Variants in BCL7B observed in about 807,000 individuals in gnomAD.
BCL7B encodes B-cell CLL/lymphoma 7 protein family member B.
Under a neutral mutation model 26.5 loss-of-function variants are expected in BCL7B, and 11 were observed. The observed-to-expected ratio is 0.42, with a 90% confidence interval of 0.26 to 0.69. The LOEUF (loss-of-function observed/expected upper bound fraction) is 0.69, where lower values mean the gene tolerates loss of function less well. Ranked by LOEUF, BCL7B falls within the 30% of genes least tolerant of loss-of-function variation. The pLI, the probability that BCL7B is intolerant of heterozygous loss-of-function variation, is 0.28. For synonymous variants in BCL7B, 111 were observed against 107.9 expected, an observed-to-expected ratio of 1.03 and a Z score of -0.18; for missense variants, 215 against 264.4, an observed-to-expected ratio of 0.81 and a Z score of 1.30.
At chr7:73,550,953 G>A (rs1265688797) in intron 2 of BCL7B, among the ~76,000 whole-genome samples, 3 of 151,974 alleles carry the variant, frequency 2.0e-5, no homozygotes, top group South Asian at 2.1e-4. Context: ...CACCACGCCC[G>A]GCCCACATAT....
In BCL7B at chr7:73,548,428, G is replaced by GA. The variant is rs1462948367; in HGVS notation, c.168+3738dup. 1.3e-4 allele frequency among the ~76,000 whole-genome samples: 19 copies of GA among 151,780 alleles called. No homozygotes were observed. In the South Asian group the frequency reaches 3.3e-3, roughly 27 times the overall value. ...GAGCAACAGAGTGAGACTCTGTCTCGAAAAAACAAAACAAAATAAGGAAAC... is the reference window on the plus strand; with the variant it reads ...GAGCAACAGAGTGAGACTCTGTCTCGAAAAAAACAAAACAAAATAAGGAAAC... On this transcript the variant is annotated intron_variant, in intron 2 of 5. Coordinates refer to ENST00000223368, the MANE Select transcript of BCL7B (RefSeq NM_001707.4).
chr7:73,551,276 A>T (rs1792158978), intron 2 of BCL7B, among the ~76,000 whole-genome samples: 1 of 152,144 alleles, frequency 6.6e-6, no homozygotes, highest in Admixed American at 6.5e-5. Context: ...ATCAGTGGGC[A>T]TACTTATGTG....
chr7:73,537,535 T>C, intron 5 of BCL7B, 145 bp from the exon 6 acceptor site: 1 of 640,068 alleles, frequency 1.6e-6, no homozygotes, highest in Non-Finnish European at 2.7e-6. Flanking sequence ...TGGGACTCAT[T>C]TCCGGCGCTG....
rs782153220 is a variant in BCL7B, at chr7:73,537,407, C to T, written c.517-17G>A. 4.4e-6 allele frequency: 7 copies of T among 1,606,964 alleles called. No individual in the cohort carries two copies. The highest frequency in any genetic ancestry group is 4.3e-6 in the Non-Finnish European group (5 of 1,173,978). ...CTCAACGACCTAGGAGCAGGCAGAG[C>T]ATGGAATGCCAGGGCCACCCCTCCC... On this transcript the variant is annotated splice_polypyrimidine_tract_variant and intron_variant, in intron 5 of 5. Coordinates refer to ENST00000223368, the MANE Select transcript of BCL7B (RefSeq NM_001707.4).
chr7:73,544,277 C>T (rs190981900), intron 2 of BCL7B, among the ~76,000 whole-genome samples: 7 of 152,064 alleles, frequency 4.6e-5, no homozygotes, highest in Non-Finnish European at 7.4e-5. Context: ...AAAAATCAGC[C>T]GAGTGTGGTG....
Position 73,540,829 on chromosome 7 carries a change from C to CAAAAAAAAAAA in BCL7B, c.266-788_266-778dup, listed in dbSNP as rs56111929. Among the ~76,000 whole-genome samples, 3 of 50,940 alleles carry CAAAAAAAAAAA rather than the reference C, an allele frequency of 5.9e-5. 1 individual carries two copies. The highest frequency in any genetic ancestry group is 9.8e-5 in the Non-Finnish European group (3 of 30,706). 33.4% of individuals were successfully genotyped at this position (50,940 alleles called of 152,430 possible). A position where few individuals can be genotyped will look rare whatever the true frequency, so the allele number is the denominator to read the frequency against. Reference sequence around the variant, plus strand: ...TGAGCAACAGAGCGAGACTCTGTCTCAAAAAAAAAAAAAAAAAAAAAAAAA... The same window carrying CAAAAAAAAAAA: ...TGAGCAACAGAGCGAGACTCTGTCTCAAAAAAAAAAAAAAAAAAAAAAAAAAAAAAAAAAAA... On this transcript the variant is annotated intron_variant, in intron 3 of 5. Transcript: ENST00000223368.
In BCL7B at chr7:73,554,812, A is replaced by C. The variant is rs922775737; in HGVS notation, c.93-2570T>G. Among the ~76,000 whole-genome samples, 82 of 152,118 alleles carry C rather than the reference A, an allele frequency of 5.4e-4. 1 individual carries two copies. The highest frequency in any genetic ancestry group is 2.0e-3 in the African/African-American group (81 of 41,512). On this transcript the variant is annotated intron_variant, in intron 1 of 5. Coordinates refer to ENST00000223368, the MANE Select transcript of BCL7B (RefSeq NM_001707.4). Reference sequence around the variant, plus strand: ...ACTGGGTCTCAAAAAAAAAAAAAAAAAACAGATGACATACTGGGAGTGTAA... The same window carrying C: ...ACTGGGTCTCAAAAAAAAAAAAAAACAACAGATGACATACTGGGAGTGTAA...
intron 2 of BCL7B, among the ~76,000 whole-genome samples, chr7:73,547,160 A>AAAGC (rs1207957065): frequency 1.6e-4 from 24 of 152,186 alleles, no homozygotes; most frequent in South Asian, 8.3e-4. Context: ...CTCAAAAAAA[A>AAAGC]AAGCAAGCAA....
chr7:73,550,128 A>G (rs1792102006), intron 2 of BCL7B, among the ~76,000 whole-genome samples: 1 of 152,236 alleles, frequency 6.6e-6, no homozygotes, highest in African/African-American at 2.4e-5. Flanking sequence ...AAAGTTGGAA[A>G]CAATCTGGGT....
chr7:73,553,683 A>T (rs782466894), intron 1 of BCL7B: 5 of 154,468 alleles, frequency 3.2e-5, no homozygotes, highest in Non-Finnish European at 7.3e-5. Context: ...AAAAAAAAAA[A>T]GAAAGAAAAC....
intron 1 of BCL7B, among the ~76,000 whole-genome samples, chr7:73,553,881 C>T (rs1792267316): frequency 2.0e-5 from 3 of 152,004 alleles, no homozygotes. Context: ...ACTATCTACA[C>T]CAGATTAGAA....
At chr7:73,541,423 G>A (rs115064440) in intron 3 of BCL7B, among the ~76,000 whole-genome samples, 1,863 of 150,306 alleles carry the variant, frequency 0.012, 40 homozygotes, top group African/African-American at 0.043. Flanking sequence ...TAAACCCTTC[G>A]ACGCTCCACT....
Position 73,537,215 on chromosome 7 carries a change from C to A in BCL7B, c.*83G>T. 3 of 1,399,050 alleles carry A rather than the reference C, an allele frequency of 2.1e-6. No homozygotes were observed. The highest frequency in any genetic ancestry group is 1.2e-5 in the South Asian group (1 of 82,888). 86.7% of individuals were successfully genotyped at this position (1,399,050 alleles called of 1,614,324 possible). A position where few individuals can be genotyped will look rare whatever the true frequency, so the allele number is the denominator to read the frequency against. ...TGCAGGCTCTTGACCCCAGTGCTTG[C>A]CCTTACCCCAGCAACGCGGCGCGGC... On this transcript the variant is annotated 3_prime_UTR_variant, in exon 6 of 6. Transcript: ENST00000223368.
chr7:73,540,493 T>G (rs17145723), intron 3 of BCL7B: 1 of 169,968 alleles, frequency 5.9e-6, no homozygotes, highest in East Asian at 1.5e-4. Flanking sequence ...CTGGGAGTTC[T>G]GCCTGAAGGC....
chr7:73,543,018 C>T, intron 3 of BCL7B: 3 of 309,476 alleles, frequency 9.7e-6, no homozygotes, highest in South Asian at 7.9e-5. Flanking sequence ...TAACTTTAGA[C>T]ACGTAACTTA....
intron 1 of BCL7B, 37 bp downstream of exon 1, chr7:73,557,450 G>A: frequency 1.6e-6 from 2 of 1,274,878 alleles, no homozygotes; most frequent in Non-Finnish European, 1.0e-6. Flanking sequence ...GCCTGGATCC[G>A]CGACCCCCGC....
intron 1 of BCL7B, chr7:73,553,798 C>T (rs1202210593): frequency 1.3e-5 from 2 of 154,458 alleles, no homozygotes; most frequent in African/African-American, 4.8e-5. Context: ...GTTTATCAGT[C>T]CACTACGCTC....
chr7:73,557,273 G>A (rs1007600468), intron 1 of BCL7B: 8 of 1,133,614 alleles, frequency 7.1e-6, no homozygotes, highest in Middle Eastern at 3.7e-4. Flanking sequence ...GCCGCAGCAG[G>A]TGGGCGGGCC....
chr7:73,552,094 A>C (rs1554584214), intron 2 of BCL7B, 73 bp downstream of exon 2: 22 of 693,450 alleles, frequency 3.2e-5, no homozygotes, highest in Admixed American at 7.4e-5. Context: ...CTCCGTCCCA[A>C]AAAAAAAAAA....
Sources: allele counts gnomAD v4.1 joint callset (sites outside exome capture counted in the v4.1 genomes callset), GRCh38; gene constraint gnomAD v4.1.1; transcripts MANE v1.5; gene names NCBI Gene and HGNC (gene_info 2026-07-23, HGNC 2026-07-21).